Variants in DLC1 observed in about 807,000 individuals in gnomAD.
DLC1 encodes DLC1 Rho GTPase activating protein.
A neutral mutation model predicts 140.3 loss-of-function variants in DLC1; 54 were observed. The observed-to-expected ratio is 0.38, with a 90% CI of 0.31 to 0.48. DLC1 has a LOEUF of 0.48. Among genes scored for constraint, DLC1 ranks in the 20% least tolerant of loss-of-function variants. DLC1 has a pLI of 0.96. For synonymous variants in DLC1, 986 were observed against 728.1 expected, an observed-to-expected ratio of 1.35 and a Z score of -5.70; for missense variants, 2,536 against 1,907.0, an observed-to-expected ratio of 1.33 and a Z score of -6.14.
chr8:13,439,286 T>C (rs547733320), intron 2 of DLC1, among the ~76,000 whole-genome samples: 4 of 152,012 alleles, frequency 2.6e-5, no homozygotes, highest in Non-Finnish European at 5.9e-5. Context: ...ATTGTGCCAC[T>C]GCACTCCAGT....
At chr8:13,478,352 T>C (rs1800534429) in intron 2 of DLC1, among the ~76,000 whole-genome samples, 1 of 152,054 alleles carries the variant, frequency 6.6e-6, no homozygotes, top group Admixed American at 6.6e-5. Context: ...GCCTGAGGGA[T>C]CCATTCCCAT....
chr8:13,089,598 C>T (rs960493937), intron 15 of DLC1, among the ~76,000 whole-genome samples: 1 of 152,180 alleles, frequency 6.6e-6, no homozygotes, highest in Non-Finnish European at 1.5e-5. Flanking sequence ...GCACTCCAGC[C>T]TGGGTGACAG....
chr8:13,363,528 T>C (rs189652275), intron 4 of DLC1, among the ~76,000 whole-genome samples: 1 of 152,136 alleles, frequency 6.6e-6, no homozygotes, highest in African/African-American at 2.4e-5. Context: ...TTCCAAAAGT[T>C]ATTGTTCTGT....
At chr8:13,306,608 A>G (rs766186602) in intron 4 of DLC1, among the ~76,000 whole-genome samples, 2 of 151,296 alleles carry the variant, frequency 1.3e-5, no homozygotes, top group African/African-American at 2.4e-5. Context: ...GAGAGGCCCA[A>G]GTGCAGCTCT....
chr8:13,276,152 C>G, intron 5 of DLC1: 1 of 1,408,094 alleles, frequency 7.1e-7, no homozygotes, highest in Non-Finnish European at 9.4e-7. Flanking sequence ...GAAACTTCAA[C>G]CAGCTGATGA....
In DLC1 at chr8:13,103,135, C is replaced by A. The variant is rs550245434; in HGVS notation, c.1503-282G>T. On this transcript the variant is annotated intron_variant, in intron 7 of 17. Coordinates refer to ENST00000276297, the MANE Select transcript of DLC1 (RefSeq NM_182643.3). ...ACCATCCTGGCTAACACGGTGAAAC[C>A]CCGTCTCTACTAAAAATACAAAAAA... 2.6e-5 allele frequency among the ~76,000 whole-genome samples: 4 copies of A among 151,724 alleles called. No individual in the cohort carries two copies. In the South Asian group the frequency reaches 8.4e-4, roughly 32 times the overall value.
rs1585072553 is a variant in DLC1, at chr8:13,417,423, C to T, written c.1024-15804G>A. Among the ~76,000 whole-genome samples the T allele has an allele frequency of 2.0e-5, 3 of 148,956 alleles. 1 individual carries two copies. Among genetic ancestry groups the T allele is most frequent in the South Asian group, 4.4e-4 (2 of 4,556 alleles). Reference sequence around the variant, plus strand: ...CCCTTCCTGTGTCCATGTGTTCTCACTGTTCAATTCCCATCTATGAGTGAG... The same window carrying T: ...CCCTTCCTGTGTCCATGTGTTCTCATTGTTCAATTCCCATCTATGAGTGAG... On this transcript the variant is annotated intron_variant, in intron 2 of 17. Transcript: ENST00000276297.
chr8:13,545,546 C>T (rs529872346), intron 1 of DLC1, among the ~76,000 whole-genome samples: 6 of 152,166 alleles, frequency 3.9e-5, no homozygotes, highest in African/African-American at 1.2e-4. Context: ...TTATTCTCTG[C>T]TCAGTCAATT....
Position 13,503,885 on chromosome 8 carries a change from T to C in DLC1, c.-125-3689A>G, listed in dbSNP as rs573690989. 2.6e-5 allele frequency among the ~76,000 whole-genome samples: 4 copies of C among 152,274 alleles called. No homozygotes were observed. In the South Asian group the frequency reaches 8.3e-4, roughly 32 times the overall value. On this transcript the variant is annotated intron_variant, in intron 1 of 17. Coordinates refer to ENST00000276297, the MANE Select transcript of DLC1 (RefSeq NM_182643.3). ...GATATCTATCTGTGGTAAATATCTATCTATCTGTGGTAAGTTTTCTGCCTC... is the reference window on the plus strand; with the variant it reads ...GATATCTATCTGTGGTAAATATCTACCTATCTGTGGTAAGTTTTCTGCCTC...
At chr8:13,350,710 G>A (rs576527270) in intron 4 of DLC1, among the ~76,000 whole-genome samples, 8 of 150,734 alleles carry the variant, frequency 5.3e-5, no homozygotes, top group South Asian at 4.2e-4. Context: ...AGCAAGACTC[G>A]ATCTTAAAAA....
In DLC1 at chr8:13,096,156, C is replaced by G. The variant is rs545392230; in HGVS notation, c.3168-911G>C. 2.6e-5 allele frequency: 4 copies of G among 152,324 alleles called. No homozygotes were observed. The South Asian group carries it at 8.3e-4, about 32-fold the overall frequency. 9.4% of individuals were successfully genotyped at this position (152,324 alleles called of 1,614,324 possible). On this transcript the variant is annotated intron_variant, in intron 10 of 17. Coordinates refer to ENST00000276297, the MANE Select transcript of DLC1 (RefSeq NM_182643.3). The stretch of plus-strand genomic sequence containing the variant: ...CAGGAAAAGAACCTTGTGTAGGATT[C>G]CTCCCTGCTCCACAGATCCCACCAT...
intron 2 of DLC1, among the ~76,000 whole-genome samples, chr8:13,489,527 A>G (rs1439785209): frequency 3.3e-5 from 5 of 151,908 alleles, no homozygotes; most frequent in Non-Finnish European, 5.9e-5. Context: ...ACTACTTTGT[A>G]TATATTAACT....
intron 5 of DLC1, chr8:13,276,527 G>C: frequency 1.5e-6 from 2 of 1,293,208 alleles, no homozygotes; most frequent in Non-Finnish European, 2.0e-6. Context: ...CTGGCACTGC[G>C]GCCCCGGGAA....
chr8:13,296,313 G>T (rs1360024218), intron 5 of DLC1, among the ~76,000 whole-genome samples: 1 of 151,986 alleles, frequency 6.6e-6, no homozygotes, highest in Non-Finnish European at 1.5e-5. Flanking sequence ...GGATACAAAA[G>T]GGCCCTTTCA....
chr8:13,115,057 A>C (rs1332288920), intron 6 of DLC1, among the ~76,000 whole-genome samples: 1 of 152,246 alleles, frequency 6.6e-6, no homozygotes, highest in East Asian at 1.9e-4. Flanking sequence ...TATAAAAGCA[A>C]AACAGAGAAA....
chr8:13,364,068 C>A (rs906212124), intron 4 of DLC1, among the ~76,000 whole-genome samples: 3 of 152,014 alleles, frequency 2.0e-5, no homozygotes, highest in Non-Finnish European at 4.4e-5. Context: ...CACACGCATG[C>A]ATGTGACTTC....
At chr8:13,570,481 T>G (rs1804613811) in intron 1 of DLC1, among the ~76,000 whole-genome samples, 2 of 124,512 alleles carry the variant, frequency 1.6e-5, no homozygotes, top group South Asian at 2.9e-4. Flanking sequence ...GAGTGTGATA[T>G]TCCCCTTCCT....
intron 15 of DLC1, among the ~76,000 whole-genome samples, chr8:13,089,184 A>G (rs1387822310): frequency 6.6e-6 from 1 of 151,478 alleles, no homozygotes; most frequent in East Asian, 1.9e-4. Flanking sequence ...ACTTGAACCT[A>G]GGAGGCACTT....
intron 1 of DLC1, chr8:13,558,005 C>A (rs1000477866): frequency 6.6e-6 from 1 of 152,150 alleles, no homozygotes; most frequent in East Asian, 1.9e-4. Context: ...TTCATTGGCA[C>A]TAGTAAAATT....
Sources: allele counts gnomAD v4.1 joint callset (sites outside exome capture counted in the v4.1 genomes callset), GRCh38; gene constraint gnomAD v4.1.1; transcripts MANE v1.5; gene names NCBI Gene and HGNC (gene_info 2026-07-23, HGNC 2026-07-21).